The following PLCG2 variants were observed in gnomAD, a reference collection of about 807,000 sequenced individuals.
The protein encoded by PLCG2 is phospholipase C gamma 2.
PLCG2 carries 69 observed loss-of-function variants against 175.6 expected under a neutral mutation model. The observed-to-expected ratio is 0.39, with a 90% CI of 0.32 to 0.48. The LOEUF (loss-of-function observed/expected upper bound fraction) is 0.48, where lower values mean the gene tolerates loss of function less well. PLCG2 is among the 20% of genes least tolerant of loss of function. PLCG2 has a pLI of 0.91. For synonymous variants in PLCG2, 827 were observed against 624.0 expected (o/e 1.33, Z -4.85); for missense variants, 1,798 against 1,650.9 (o/e 1.09, Z -1.54).
At chr16:81,760,632 T>G (rs921573468) in intron 2 of PLCG2, among the ~76,000 whole-genome samples, 2 of 151,814 alleles carry the variant, frequency 1.3e-5, no homozygotes, top group African/African-American at 4.8e-5. Flanking sequence ...TTATATGGGC[T>G]GAGCACAATG....
rs1186399654 is a variant in PLCG2 at position 81,961,103 on chromosome 16, T to G, written c.*3105T>G. On this transcript the variant is annotated 3_prime_UTR_variant, in exon 33 of 33. Coordinates refer to ENST00000564138, the MANE Select transcript of PLCG2 (RefSeq NM_002661.5). ...CCAAGTTTTTCTGGTGGTTCCAAAT[T>G]TTTTGCTTTCAACAAAGTGGGAGGA... 3 of 231,436 alleles carry G rather than the reference T, an allele frequency of 1.3e-5. No homozygotes were observed. The highest frequency in any genetic ancestry group is 2.6e-5 in the Non-Finnish European group (3 of 117,036). 14.3% of individuals were successfully genotyped at this position (231,436 alleles called of 1,614,324 possible). A position where few individuals can be genotyped will look rare whatever the true frequency, so the allele number is the denominator to read the frequency against.
intron 2 of PLCG2, among the ~76,000 whole-genome samples, chr16:81,799,338 T>C (rs1375435561): frequency 6.6e-6 from 1 of 152,206 alleles, no homozygotes; most frequent in Non-Finnish European, 1.5e-5. Context: ...ATGCGACCCT[T>C]TTGTAATGTA....
chr16:81,900,821 C>T (rs1460167322), intron 14 of PLCG2, 41 bp downstream of exon 14: 1 of 1,565,660 alleles, frequency 6.4e-7, no homozygotes, highest in African/African-American at 1.4e-5. Flanking sequence ...CCAGGGAGCC[C>T]AGTGGCTCGG....
intron 2 of PLCG2, among the ~76,000 whole-genome samples, chr16:81,823,474 C>G (rs1904896997): frequency 6.6e-6 from 1 of 152,116 alleles, no homozygotes. Flanking sequence ...TGAAGTGAGC[C>G]CCTTCCTGTC....
At chr16:81,909,887 T>C (rs1463008417) in intron 17 of PLCG2, among the ~76,000 whole-genome samples, 3 of 152,064 alleles carry the variant, frequency 2.0e-5, no homozygotes, top group Admixed American at 6.6e-5. Context: ...AGTAATACAG[T>C]GTGGCTCAGA....
chr16:81,831,490 C>T (rs1397308036), intron 2 of PLCG2, among the ~76,000 whole-genome samples: 1 of 152,186 alleles, frequency 6.6e-6, no homozygotes, highest in Non-Finnish European at 1.5e-5. Context: ...GAAACTGGCC[C>T]TCTCTATTTG....
intron 28 of PLCG2, among the ~76,000 whole-genome samples, 174 bp downstream of exon 28, chr16:81,938,077 C>T (rs946814445): frequency 3.3e-5 from 5 of 152,150 alleles, no homozygotes; most frequent in African/African-American, 4.8e-5. Context: ...ACTCCGGGGT[C>T]GTTCTGGGAG....
At chr16:81,874,948 GTTTTTTTTTTTTTTT>G (rs770994063) in intron 7 of PLCG2, among the ~76,000 whole-genome samples, 2 of 40,770 alleles carry the variant, frequency 4.9e-5, no homozygotes, top group African/African-American at 1.6e-4. Context: ...TATCCTATGT[GTTTTTTTTTTTTTTT>G]TTTTTTTTTT....
chr16:81,854,338 T>C (rs1018419942), intron 2 of PLCG2, 106 bp from the exon 3 acceptor site: 4 of 991,636 alleles, frequency 4.0e-6, no homozygotes, highest in Non-Finnish European at 6.3e-6. Context: ...CGGGATCCTG[T>C]TGGGGAAGGA....
chr16:81,919,463 C>T (rs749243472), intron 19 of PLCG2, 21 bp from the exon 20 acceptor site: 3 of 1,604,916 alleles, frequency 1.9e-6, no homozygotes, highest in Non-Finnish European at 2.6e-6. Context: ...GCATGTCAAC[C>T]CTGTGTTCTT....
chr16:81,761,870 C>G (rs1419969644), intron 2 of PLCG2, among the ~76,000 whole-genome samples: 1 of 144,830 alleles, frequency 6.9e-6, no homozygotes, highest in Non-Finnish European at 1.5e-5. Flanking sequence ...CTTGTTCTGT[C>G]ACCCAGGCTG....
At chr16:81,814,599 G>A (rs555818662) in intron 2 of PLCG2, among the ~76,000 whole-genome samples, 71 of 152,248 alleles carry the variant, frequency 4.7e-4, no homozygotes, top group African/African-American at 1.5e-3. Flanking sequence ...GGAGGCTGAG[G>A]CAGGAGAATC....
chr16:81,750,971 C>CT (rs34518159), intron 1 of PLCG2, among the ~76,000 whole-genome samples: 449 of 41,742 alleles, frequency 0.011, 40 homozygotes, highest in African/African-American at 0.032. Flanking sequence ...CCGCACCCAG[C>CT]TTTTTTTTTT....
At chr16:81,774,278 A>G (rs1487424687) in intron 2 of PLCG2, among the ~76,000 whole-genome samples, 2 of 150,192 alleles carry the variant, frequency 1.3e-5, no homozygotes, top group African/African-American at 4.9e-5. Context: ...TGAGCCCAGG[A>G]GGCAGAGGTT....
intron 16 of PLCG2, 102 bp downstream of exon 16, chr16:81,907,876 G>A: frequency 1.3e-6 from 1 of 753,178 alleles, no homozygotes; most frequent in Non-Finnish European, 2.3e-6. Flanking sequence ...TGGCCGGCTG[G>A]CAAGGGGATG....
intron 8 of PLCG2, among the ~76,000 whole-genome samples, 196 bp downstream of exon 8, chr16:81,881,149 G>A (rs895922467): frequency 1.3e-5 from 2 of 152,242 alleles, no homozygotes; most frequent in African/African-American, 4.8e-5. Context: ...AAGGTGTGGA[G>A]CACTGGGAGG....
intron 2 of PLCG2, among the ~76,000 whole-genome samples, chr16:81,791,886 A>C (rs1316266377): frequency 6.6e-6 from 1 of 152,102 alleles, no homozygotes; most frequent in Admixed American, 6.5e-5. Flanking sequence ...TGTTGACCAA[A>C]CATCTACCAT....
intron 2 of PLCG2, among the ~76,000 whole-genome samples, chr16:81,840,609 C>T (rs1278625925): frequency 6.6e-6 from 1 of 152,192 alleles, no homozygotes; most frequent in African/African-American, 2.4e-5. Context: ...GGGTCCCTCA[C>T]ATGTGCAGTT....
chr16:81,876,674 T>G (rs1476351943), intron 7 of PLCG2, among the ~76,000 whole-genome samples: 1 of 152,208 alleles, frequency 6.6e-6, no homozygotes, highest in Non-Finnish European at 1.5e-5. Context: ...GCACAGTGGT[T>G]AACAATACAG....
Sources: gnomAD v4.1 joint callset for allele counts (sites outside exome capture counted in the v4.1 genomes callset) on GRCh38, gnomAD v4.1.1 for gene constraint, MANE v1.5 for transcripts, NCBI Gene and HGNC (gene_info 2026-07-23, HGNC 2026-07-21) for gene names.